The following NRG1 variants were observed in gnomAD, a reference collection of about 807,000 sequenced individuals.
NRG1 encodes neuregulin 1.
A neutral mutation model predicts 63.8 loss-of-function variants in NRG1; 18 were observed. That is an observed-to-expected ratio of 0.28 (90% confidence interval 0.19 to 0.42). The LOEUF (loss-of-function observed/expected upper bound fraction) is 0.42. Among genes scored for constraint, NRG1 ranks in the 10% least tolerant of loss-of-function variants. NRG1 has a pLI of 1.00. For synonymous variants in NRG1, 302 were observed against 301.3 expected (o/e 1.00, Z -0.02); for missense variants, 762 against 814.7 (o/e 0.94, Z 0.79).
chr8:32,507,433 C>G (rs1828667269), intron 1 of NRG1, among the ~76,000 whole-genome samples: 1 of 152,166 alleles, frequency 6.6e-6, no homozygotes, highest in Non-Finnish European at 1.5e-5. Context: ...TTAGTTGCCT[C>G]TTCTTGATTA....
intron 1 of NRG1, among the ~76,000 whole-genome samples, chr8:31,731,860 A>C (rs1275045809): frequency 1.3e-5 from 2 of 152,190 alleles, no homozygotes; most frequent in Non-Finnish European, 2.9e-5. Flanking sequence ...CGTTATTTGC[A>C]AGACATCTAA....
At chr8:32,760,284 C>A in exon 11 of NRG1, 1 of 1,614,096 alleles carries the variant, frequency 6.2e-7, no homozygotes, top group Admixed American at 1.7e-5. Context: ...GTAGGCACAG[C>A]AGCCCAACTG....
At chr8:31,682,680 G>A in intron 1 of NRG1, among the ~76,000 whole-genome samples, 1 of 151,726 alleles carries the variant, frequency 6.6e-6, no homozygotes, top group Non-Finnish European at 1.5e-5. Flanking sequence ...TTTTCTCATA[G>A]ATAAAATACT....
intron 1 of NRG1, among the ~76,000 whole-genome samples, chr8:31,670,735 G>A (rs926143328): frequency 2.0e-5 from 3 of 152,092 alleles, no homozygotes; most frequent in Non-Finnish European, 4.4e-5. Context: ...GGTGGGCAGT[G>A]TCATGAAAAC....
At chr8:32,279,106 A>C (rs1229267032) in intron 1 of NRG1, among the ~76,000 whole-genome samples, 1 of 152,198 alleles carries the variant, frequency 6.6e-6, no homozygotes, top group Non-Finnish European at 1.5e-5. Flanking sequence ...AATACTAGAG[A>C]AGCCCCAGAG....
At chr8:31,993,773 C>T (rs1811469806) in intron 1 of NRG1, among the ~76,000 whole-genome samples, 1 of 151,982 alleles carries the variant, frequency 6.6e-6, no homozygotes, top group Admixed American at 6.6e-5. Context: ...TAGGCACCTG[C>T]CCTATTACTT....
intron 1 of NRG1, among the ~76,000 whole-genome samples, chr8:32,338,845 A>T (rs891771537): frequency 6.6e-6 from 1 of 152,032 alleles, no homozygotes; most frequent in African/African-American, 2.4e-5. Flanking sequence ...TAAGCTTATT[A>T]TTGTCTTGAG....
chr8:32,233,589 G>A (rs1283926226), intron 1 of NRG1, among the ~76,000 whole-genome samples: 62 of 112,538 alleles, frequency 5.5e-4, no homozygotes, highest in Non-Finnish European at 1.7e-4. Context: ...CTTTTGAAAC[G>A]GTGTCTCACT....
chr8:32,299,888 A>G lies in NRG1; in HGVS notation c.38-295940A>G, dbSNP rs181400373. The stretch of plus-strand genomic sequence containing the variant: ...CGTGTGGATTATGGGAGCTGGAATT[A>G]GAGATGAGATTTGGGTGGGGAAACA... On this transcript the variant is annotated intron_variant, in intron 1 of 10. Coordinates refer to the NRG1 transcript ENST00000519301. Among the ~76,000 whole-genome samples, 50 of 152,322 alleles carry G rather than the reference A, an allele frequency of 3.3e-4. 1 individual carries two copies. Among genetic ancestry groups the G allele is most frequent in the Admixed American group, 5.9e-4 (9 of 15,298 alleles).
chr8:32,678,521 G>A (rs1807780456), intron 5 of NRG1, among the ~76,000 whole-genome samples: 1 of 151,982 alleles, frequency 6.6e-6, no homozygotes, highest in Non-Finnish European at 1.5e-5. Context: ...TCCAATTACG[G>A]GTTCTTTAAA....
At chr8:31,868,757 T>C (rs1306542764) in intron 1 of NRG1, among the ~76,000 whole-genome samples, 3 of 152,236 alleles carry the variant, frequency 2.0e-5, no homozygotes, top group Non-Finnish European at 4.4e-5. Flanking sequence ...ATAGGTAATA[T>C]GATTGTCATT....
intron 5 of NRG1, among the ~76,000 whole-genome samples, chr8:32,706,138 C>A (rs1420513830): frequency 6.6e-6 from 1 of 152,144 alleles, no homozygotes; most frequent in African/African-American, 2.4e-5. Flanking sequence ...AGCAGTTTCA[C>A]AAAAACTAAA....
intron 1 of NRG1, among the ~76,000 whole-genome samples, chr8:32,588,242 G>T (rs934082152): frequency 3.9e-5 from 6 of 152,102 alleles, no homozygotes; most frequent in Non-Finnish European, 7.4e-5. Context: ...TTTTTTAAGT[G>T]CAGTCAGTTG....
intron 1 of NRG1, among the ~76,000 whole-genome samples, chr8:31,789,519 T>C (rs969549643): frequency 3.9e-5 from 6 of 152,176 alleles, no homozygotes; most frequent in African/African-American, 1.4e-4. Context: ...TGGAGGATAC[T>C]AGAGGCTGCC....
chr8:32,605,305 C>T (rs1845079371), intron 2 of NRG1, among the ~76,000 whole-genome samples: 1 of 152,066 alleles, frequency 6.6e-6, no homozygotes, highest in African/African-American at 2.4e-5. Context: ...AGAAAAACTA[C>T]AGAAGAATTC....
intron 1 of NRG1, among the ~76,000 whole-genome samples, chr8:32,388,239 G>A (rs939076): frequency 0.021 from 3,166 of 152,216 alleles, 114 homozygotes; most frequent in African/African-American, 0.072. Flanking sequence ...ATAGGTAAGT[G>A]AATCAAGTAT....
intron 1 of NRG1, among the ~76,000 whole-genome samples, chr8:31,938,642 C>T (rs1563591971): frequency 6.6e-6 from 1 of 151,964 alleles, no homozygotes; most frequent in African/African-American, 2.4e-5. Context: ...TGAAGTCCAA[C>T]TTAAAGAAGT....
Position 32,337,653 on chromosome 8 carries a change from CAAAAAAAAAAAAAAA to C in NRG1, c.38-258160_38-258146del, listed in dbSNP as rs71208174. Reference sequence around the variant, plus strand: ...GCTGAAGGAACAAAAAGAGTTATTGCAAAAAAAAAAAAAAAAAAAAAAAAAAAAAGCTGATGCAGT... The same window carrying C: ...GCTGAAGGAACAAAAAGAGTTATTGCAAAAAAAAAAAAAAGCTGATGCAGT... On this transcript the variant is annotated intron_variant, in intron 1 of 10. Transcript: ENST00000519301. 4.9e-4 allele frequency among the ~76,000 whole-genome samples: 12 copies of C among 24,702 alleles called. No homozygotes were observed. The East Asian group carries it at 0.012, about 24-fold the overall frequency. The allele number at this position is 24,702 out of a possible 152,430, so 16.2% of individuals were successfully genotyped here.
At chr8:32,375,381 A>G (rs1468689870) in intron 1 of NRG1, among the ~76,000 whole-genome samples, 2 of 152,176 alleles carry the variant, frequency 1.3e-5, no homozygotes, top group African/African-American at 2.4e-5. Flanking sequence ...GAACCACACC[A>G]TTTTTATGAA....
Sources: gnomAD v4.1 joint callset for allele counts (sites outside exome capture counted in the v4.1 genomes callset) on GRCh38, gnomAD v4.1.1 for gene constraint, MANE v1.5 for transcripts, NCBI Gene and HGNC (gene_info 2026-07-23, HGNC 2026-07-21) for gene names.